OXCT1: variants seen among roughly 807,000 people sequenced by gnomAD.
OXCT1 encodes succinyl-CoA:3-ketoacid coenzyme A transferase 1, mitochondrial.
A neutral mutation model predicts 69.6 loss-of-function variants in OXCT1; 27 were observed. That is an observed-to-expected ratio of 0.39 (90% CI 0.29 to 0.54). The LOEUF (loss-of-function observed/expected upper bound fraction) is 0.54, where lower values mean the gene tolerates loss of function less well. Among genes scored for constraint, OXCT1 ranks in the 20% least tolerant of loss-of-function variants. The pLI, the probability that OXCT1 is intolerant of heterozygous loss-of-function variation, is 0.72. For synonymous variants in OXCT1, 202 were observed against 217.8 expected, an observed-to-expected ratio of 0.93 and a Z score of 0.64; for missense variants, 437 against 650.2, an observed-to-expected ratio of 0.67 and a Z score of 3.57.
chr5:41,836,825 G>A (rs2112385849), intron 7 of OXCT1, among the ~76,000 whole-genome samples: 1 of 152,264 alleles, frequency 6.6e-6, no homozygotes, highest in South Asian at 2.1e-4. Context: ...GGCCAGTACA[G>A]GTCCATGGCC....
intron 1 of OXCT1, among the ~76,000 whole-genome samples, chr5:41,863,451 C>G (rs985411862): frequency 6.6e-6 from 1 of 152,030 alleles, no homozygotes; most frequent in Admixed American, 6.6e-5. Flanking sequence ...AACATCTCAC[C>G]AACCCCTCAC....
At chr5:41,769,753 G>A (rs1744793589) in intron 13 of OXCT1, among the ~76,000 whole-genome samples, 1 of 151,894 alleles carries the variant, frequency 6.6e-6, no homozygotes, top group Non-Finnish European at 1.5e-5. Flanking sequence ...CACAGATGTA[G>A]GATATCATCT....
At chr5:41,862,606 A>G in intron 2 of OXCT1, 36 bp downstream of exon 2, 1 of 1,068,978 alleles carries the variant, frequency 9.4e-7, no homozygotes, top group Non-Finnish European at 1.5e-6. Flanking sequence ...AAACATAAGG[A>G]CATTACCATA....
intron 9 of OXCT1, 120 bp downstream of exon 9, chr5:41,805,447 A>G (rs901840872): frequency 1.0e-5 from 7 of 691,426 alleles, no homozygotes; most frequent in Non-Finnish European, 1.8e-5. Context: ...AAATTGATTA[A>G]TTACCTTAAA....
chr5:41,812,967 T>C (rs542003433), intron 7 of OXCT1, among the ~76,000 whole-genome samples: 2 of 152,176 alleles, frequency 1.3e-5, no homozygotes, highest in East Asian at 3.9e-4. Flanking sequence ...AACAGTATTC[T>C]AAAATGGATT....
chr5:41,863,672 GAAAGA>G (rs1043946174), intron 1 of OXCT1, among the ~76,000 whole-genome samples: 3 of 152,264 alleles, frequency 2.0e-5, no homozygotes, highest in African/African-American at 7.2e-5. Context: ...AATGAAAGTA[GAAAGA>G]AAAGTCCATA....
chr5:41,846,288 C>A (rs1302577671), intron 5 of OXCT1, among the ~76,000 whole-genome samples: 1 of 120,884 alleles, frequency 8.3e-6, no homozygotes, highest in Non-Finnish European at 1.7e-5. Context: ...CCCCTCCCCC[C>A]ACCCCACAAC....
intron 14 of OXCT1, among the ~76,000 whole-genome samples, chr5:41,754,244 G>C (rs1396324656): frequency 2.0e-5 from 3 of 151,932 alleles, no homozygotes; most frequent in Non-Finnish European, 4.4e-5. Flanking sequence ...CTATCTTTGG[G>C]CTTGCCAAAA....
At chr5:41,739,578 C>A in intron 15 of OXCT1, 87 bp from the exon 16 acceptor site, 1 of 1,047,190 alleles carries the variant, frequency 9.5e-7, no homozygotes, top group East Asian at 2.5e-5. Context: ...CTCGCAAGTT[C>A]GACGAGGTCG....
At chr5:41,767,722 G>GTA (rs367584226) in intron 13 of OXCT1, among the ~76,000 whole-genome samples, 32,049 of 88,584 alleles carry the variant, frequency 0.36, 5,523 homozygotes, top group South Asian at 0.45. Context: ...ATATGTGTGT[G>GTA]TATATATATA....
At chr5:41,787,288 A>G (rs952584082) in intron 13 of OXCT1, among the ~76,000 whole-genome samples, 3 of 152,334 alleles carry the variant, frequency 2.0e-5, no homozygotes, top group Admixed American at 6.5e-5. Flanking sequence ...TCAAACTGAC[A>G]TGAAAAAGTG....
At position 41,842,760 on chromosome 5, in the gene OXCT1, G is replaced by A. The variant is rs746742644; in HGVS notation, c.586C>T (p.His196Tyr). ...PREVREFNGQHFILEEAITGD... is the reference protein window; with the variant it reads ...PREVREFNGQYFILEEAITGD... Reference sequence around the variant, plus strand: ...GTAATTGCTTCCTCCAAAATAAAGTGCTGACCATTGAACTCCCTCACCTGC... The same window carrying A: ...GTAATTGCTTCCTCCAAAATAAAGTACTGACCATTGAACTCCCTCACCTGC... The change falls in exon 6 of 17, where the codon CAC becomes TAC. Residue 196 changes from histidine to tyrosine, a missense_variant. Transcript: ENST00000196371. 6.2e-7 allele frequency: 1 copy of A among 1,613,088 alleles called. No homozygotes were observed. Among genetic ancestry groups the A allele is most frequent in the East Asian group, 2.2e-5 (1 of 44,884 alleles).
At chr5:41,859,886 TGTAA>T (rs1486239003) in intron 3 of OXCT1, among the ~76,000 whole-genome samples, 1 of 101,904 alleles carries the variant, frequency 9.8e-6, no homozygotes. Context: ...TATATATATA[TGTAA>T]TATATATATA....
chr5:41,835,986 T>A (rs1026974648), intron 7 of OXCT1, among the ~76,000 whole-genome samples: 9 of 151,814 alleles, frequency 5.9e-5, no homozygotes, highest in Admixed American at 3.3e-4. Context: ...GAAACTTAGA[T>A]GGTAGGTTAT....
chr5:41,797,351 T>A (rs10941557), intron 11 of OXCT1, among the ~76,000 whole-genome samples: 59,020 of 152,082 alleles, frequency 0.39, 14,193 homozygotes, highest in African/African-American at 0.68. Flanking sequence ...AATACATTAC[T>A]GCATCTTAAA....
At chr5:41,859,631 C>A (rs574827054) in intron 3 of OXCT1, among the ~76,000 whole-genome samples, 10 of 152,020 alleles carry the variant, frequency 6.6e-5, no homozygotes, top group African/African-American at 2.2e-4. Flanking sequence ...AATTGGTTAG[C>A]CCTTCCCAGA....
chr5:41,837,217 T>C (rs1579844109), intron 7 of OXCT1, among the ~76,000 whole-genome samples: 1 of 151,640 alleles, frequency 6.6e-6, no homozygotes, highest in South Asian at 2.1e-4. Context: ...AGTGGGAAGA[T>C]GCTGGCACAG....
At chr5:41,833,340 A>G (rs7729014) in intron 7 of OXCT1, among the ~76,000 whole-genome samples, 59,097 of 151,924 alleles carry the variant, frequency 0.39, 14,272 homozygotes, top group African/African-American at 0.68. Context: ...CAAGCCAGGA[A>G]AGAGTAGCAT....
In OXCT1 at chr5:41,870,214, C is replaced by A; in HGVS notation, c.78+67G>T. 1 of 1,247,036 alleles carries A rather than the reference C, an allele frequency of 8.0e-7. No individual in the cohort carries two copies. Among genetic ancestry groups the A allele is most frequent in the Non-Finnish European group, 1.2e-6 (1 of 849,542 alleles). The allele number at this position is 1,247,036 out of a possible 1,614,324, so 77.2% of individuals were successfully genotyped here. On this transcript the variant is annotated intron_variant, in intron 1 of 16. Transcript: ENST00000196371. This position sits in a 1 kb window ranked among gnomAD's most constrained non-coding sequence, Gnocchi z 4.2. ...GCGGGTAGGGGCAGAGAAGAAAACGCGGGCACCACTCAGGGTTTGGTCCAC... is the reference window on the plus strand; with the variant it reads ...GCGGGTAGGGGCAGAGAAGAAAACGAGGGCACCACTCAGGGTTTGGTCCAC...
Sources: gnomAD v4.1 joint callset for allele counts (sites outside exome capture counted in the v4.1 genomes callset) on GRCh38, gnomAD v4.1.1 for gene constraint, Gnocchi (gnomAD v3.1) non-coding constraint, MANE v1.5 for transcripts, NCBI Gene and HGNC (gene_info 2026-07-23, HGNC 2026-07-21) for gene names.